Variants in COL15A1 observed in about 807,000 individuals in gnomAD.
The protein encoded by COL15A1 is collagen type XV alpha 1 chain.
In COL15A1, 111 loss-of-function variants were observed where a neutral mutation model predicts 165.9. The observed-to-expected ratio is 0.67, with a 90% confidence interval of 0.57 to 0.78. COL15A1 has a LOEUF of 0.78. COL15A1 is among the 30% of genes least tolerant of loss of function. COL15A1 has a pLI of 0.00. For missense variants in COL15A1, 1,745 were observed against 1,789.7 expected, an observed-to-expected ratio of 0.98 and a Z score of 0.45; for synonymous variants, 659 against 674.8, an observed-to-expected ratio of 0.98 and a Z score of 0.36.
chr9:99,024,268 G>GTTTTTTT lies in COL15A1; in HGVS notation c.1855-604_1855-598dup, dbSNP rs201734908. The stretch of plus-strand genomic sequence containing the variant: ...TAAAAACAAGGCTACACCACAAGCA[G>GTTTTTTT]TTTTTTTTGTTTTTTTGTTTTTTTT... On this transcript the variant is annotated intron_variant, in intron 14 of 41. Transcript: ENST00000375001. 3.3e-3 allele frequency among the ~76,000 whole-genome samples: 436 copies of GTTTTTTT among 131,396 alleles called. 30 individuals carry two copies. Among genetic ancestry groups the GTTTTTTT allele is most frequent in the East Asian group, 0.019 (84 of 4,368 alleles). The allele number at this position is 131,396 out of a possible 152,430, so 86.2% of individuals were successfully genotyped here.
chr9:98,970,147 G>A (rs1422190245), intron 2 of COL15A1, among the ~76,000 whole-genome samples: 1 of 151,704 alleles, frequency 6.6e-6, no homozygotes, highest in African/African-American at 2.4e-5. Context: ...ACATAGTAAG[G>A]GCTCCGTATA....
chr9:98,968,176 C>T (rs117435926), intron 2 of COL15A1, among the ~76,000 whole-genome samples: 1 of 152,234 alleles, frequency 6.6e-6, no homozygotes, highest in Admixed American at 6.5e-5. Flanking sequence ...ACACCCTCCT[C>T]ACTGTTACTG....
chr9:99,068,322 G>T (rs548524969), intron 40 of COL15A1, among the ~76,000 whole-genome samples: 1 of 151,850 alleles, frequency 6.6e-6, no homozygotes, highest in South Asian at 2.1e-4. Flanking sequence ...AAAATTAGCC[G>T]GGTATGGTGG....
intron 14 of COL15A1, among the ~76,000 whole-genome samples, chr9:99,023,751 C>T (rs1433143717): frequency 6.6e-6 from 1 of 152,194 alleles, no homozygotes; most frequent in Non-Finnish European, 1.5e-5. Context: ...GCAGGTGTGC[C>T]CAGTGCCCTT....
chr9:98,999,305 T>C (rs529660574), intron 6 of COL15A1, among the ~76,000 whole-genome samples: 44 of 152,204 alleles, frequency 2.9e-4, no homozygotes, highest in African/African-American at 1.1e-3. Flanking sequence ...GAGGTATTGA[T>C]GTGTGGATCC....
intron 38 of COL15A1, 103 bp from the exon 39 acceptor site, chr9:99,062,947 T>A (rs2117979404): frequency 7.1e-7 from 1 of 1,407,218 alleles, no homozygotes. Context: ...GCAAATTATT[T>A]AAAGCATCTT....
intron 11 of COL15A1, among the ~76,000 whole-genome samples, chr9:99,020,181 G>A (rs763277971): frequency 3.3e-5 from 5 of 152,208 alleles, no homozygotes; most frequent in African/African-American, 7.2e-5. Context: ...TTGGCAAATA[G>A]GTACTGAGAG....
chr9:99,034,387 C>T (rs1839259392), intron 16 of COL15A1, among the ~76,000 whole-genome samples, 162 bp from the exon 17 acceptor site: 1 of 152,142 alleles, frequency 6.6e-6, no homozygotes, highest in African/African-American at 2.4e-5. Context: ...AACAGACTGG[C>T]ACCTATTGTA....
intron 2 of COL15A1, among the ~76,000 whole-genome samples, chr9:98,960,788 G>A (rs1317248213): frequency 2.0e-5 from 3 of 152,228 alleles, no homozygotes; most frequent in East Asian, 1.9e-4. Context: ...ATGAAGGGGA[G>A]TGGCCAGTAA....
chr9:99,004,099 G>A (rs1449717890), intron 8 of COL15A1, among the ~76,000 whole-genome samples: 1 of 152,212 alleles, frequency 6.6e-6, no homozygotes. Context: ...TGAGCCAGGG[G>A]TCGGGGAGAA....
intron 2 of COL15A1, among the ~76,000 whole-genome samples, chr9:98,983,622 T>C (rs1296802392): frequency 6.6e-6 from 1 of 152,232 alleles, no homozygotes; most frequent in Non-Finnish European, 1.5e-5. Flanking sequence ...CAGGCTCCCA[T>C]GTCAGCCTCA....
intron 2 of COL15A1, among the ~76,000 whole-genome samples, chr9:98,953,243 G>A (rs911664209): frequency 6.6e-6 from 1 of 152,198 alleles, no homozygotes; most frequent in African/African-American, 2.4e-5. Flanking sequence ...AGCTAAGGTG[G>A]TATCAGAGGT....
At chr9:98,953,254 G>A (rs143546641) in intron 2 of COL15A1, among the ~76,000 whole-genome samples, 54 of 152,348 alleles carry the variant, frequency 3.5e-4, no homozygotes, top group African/African-American at 1.3e-3. Context: ...TATCAGAGGT[G>A]TTGGGAGGAG....
chr9:99,047,292 C>A (rs906298664), intron 26 of COL15A1, among the ~76,000 whole-genome samples: 1 of 152,184 alleles, frequency 6.6e-6, no homozygotes, highest in Non-Finnish European at 1.5e-5. Flanking sequence ...GACTCTGGTT[C>A]CTAGGGGCAG....
At chr9:99,052,566 C>A in intron 31 of COL15A1, 133 bp downstream of exon 31, 1 of 758,268 alleles carries the variant, frequency 1.3e-6, no homozygotes, top group Non-Finnish European at 2.4e-6. Context: ...GTGGGGATGG[C>A]AGCTGAGCCA....
chr9:98,991,227 A>G (rs10988485), intron 5 of COL15A1, among the ~76,000 whole-genome samples: 75,008 of 150,896 alleles, frequency 0.5, 19,932 homozygotes, highest in African/African-American at 0.7. Flanking sequence ...GCCGCTGCTC[A>G]CTCAGGCAGC....
chr9:98,956,764 T>A (rs977419549), intron 2 of COL15A1, among the ~76,000 whole-genome samples: 8 of 152,212 alleles, frequency 5.3e-5, no homozygotes, highest in Admixed American at 1.3e-4. Context: ...ACCAGCAGCA[T>A]CAGCATAACC....
Position 99,048,649 on chromosome 9 carries a change from G to A in COL15A1, c.2793+649G>A, listed in dbSNP as rs536402595. Among the ~76,000 whole-genome samples the A allele has an allele frequency of 4.0e-5, 6 of 151,278 alleles. No homozygotes were observed. The South Asian group carries it at 6.3e-4, about 16-fold the overall frequency. On this transcript the variant is annotated intron_variant, in intron 28 of 41. Coordinates refer to ENST00000375001, the MANE Select transcript of COL15A1 (RefSeq NM_001855.5). ...TTTGGTGTGCTGCACCCATTAACTC[G>A]TCATTTAGCATTAGGTATATCTTCT...
chr9:98,947,075 G>T (rs1333868), intron 2 of COL15A1, among the ~76,000 whole-genome samples: 60,326 of 152,000 alleles, frequency 0.4, 12,145 homozygotes, highest in Admixed American at 0.47. Flanking sequence ...AAAGCATATG[G>T]CCACCCAAAA....
Sources: allele counts gnomAD v4.1 joint callset (sites outside exome capture counted in the v4.1 genomes callset), GRCh38; gene constraint gnomAD v4.1.1; transcripts MANE v1.5; gene names NCBI Gene and HGNC (gene_info 2026-07-23, HGNC 2026-07-21).